Variants in ADAMTS17 observed in about 807,000 individuals in gnomAD.
The protein encoded by ADAMTS17 is A disintegrin and metalloproteinase with thrombospondin motifs 17.
ADAMTS17 carries 113 observed loss-of-function variants against 141.5 expected under a neutral mutation model. That is an observed-to-expected ratio of 0.80 (90% CI 0.69 to 0.93). The LOEUF is 0.93. Among genes scored for constraint, ADAMTS17 ranks in the 40% least tolerant of loss-of-function variants. The pLI, the probability that ADAMTS17 is intolerant of heterozygous loss-of-function variation, is 0.00. For missense variants in ADAMTS17, 1,659 were observed against 1,517.9 expected, an observed-to-expected ratio of 1.09 and a Z score of -1.54; for synonymous variants, 768 against 630.6, an observed-to-expected ratio of 1.22 and a Z score of -3.27.
At chr15:100,073,141 A>G (rs1190496079) in intron 15 of ADAMTS17, among the ~76,000 whole-genome samples, 3 of 152,260 alleles carry the variant, frequency 2.0e-5, no homozygotes, top group Non-Finnish European at 4.4e-5. Flanking sequence ...ACATTTATGC[A>G]GCCAACAGAC....
chr15:100,285,366 A>G (rs1476080548), intron 3 of ADAMTS17, among the ~76,000 whole-genome samples: 2 of 152,200 alleles, frequency 1.3e-5, no homozygotes, highest in African/African-American at 4.8e-5. Flanking sequence ...CACTTTGAAA[A>G]CTGAAAAAAT....
In ADAMTS17 at chr15:100,031,037, A is replaced by C. The variant is rs573078345; in HGVS notation, c.2591+17820T>G. On this transcript the variant is annotated intron_variant, in intron 18 of 21. Transcript: ENST00000268070. ...GTGCTGACTCGGGGTGAAGGAATTT[A>C]TAGGCATTACTTCACTTCATCTCCT... Among the ~76,000 whole-genome samples the C allele has an allele frequency of 8.5e-5, 13 of 152,276 alleles. No homozygotes were observed. In the South Asian group the frequency reaches 2.7e-3, roughly 32 times the overall value.
chr15:100,254,008 T>C, intron 7 of ADAMTS17, 128 bp downstream of exon 7: 1 of 895,630 alleles, frequency 1.1e-6, no homozygotes, highest in Non-Finnish European at 1.8e-6. Flanking sequence ...AAGACCAACT[T>C]ACAGGAAGGA....
At chr15:99,981,644 C>T (rs1450298604) in intron 20 of ADAMTS17, among the ~76,000 whole-genome samples, 4 of 152,150 alleles carry the variant, frequency 2.6e-5, no homozygotes, top group African/African-American at 9.7e-5. Flanking sequence ...CAGAAACCAC[C>T]CCGTTTTTGT....
At chr15:100,188,538 C>A (rs75655584) in intron 8 of ADAMTS17, among the ~76,000 whole-genome samples, 1 of 152,202 alleles carries the variant, frequency 6.6e-6, no homozygotes, top group Non-Finnish European at 1.5e-5. Context: ...CACGGGAAAC[C>A]CCAATTCAAG....
At chr15:100,066,071 C>T (rs1051293009) in intron 15 of ADAMTS17, among the ~76,000 whole-genome samples, 1 of 152,304 alleles carries the variant, frequency 6.6e-6, no homozygotes, top group Non-Finnish European at 1.5e-5. Context: ...TTTTTTATGG[C>T]TGCATAGTAT....
chr15:100,094,018 G>C (rs557800929), intron 15 of ADAMTS17, among the ~76,000 whole-genome samples: 2 of 151,786 alleles, frequency 1.3e-5, no homozygotes, highest in South Asian at 4.2e-4. Context: ...AGTACTGCAG[G>C]CAGATTTTCA....
intron 15 of ADAMTS17, among the ~76,000 whole-genome samples, chr15:100,079,092 A>C (rs1271069054): frequency 6.6e-6 from 1 of 152,234 alleles, no homozygotes; most frequent in Non-Finnish European, 1.5e-5. Flanking sequence ...AGTAGCCTTC[A>C]TTCACTGCTA....
rs1208845636 is a variant in ADAMTS17, at chr15:100,109,232, T to G, written c.1889-116A>C. The G allele has an allele frequency of 7.5e-6, 8 of 1,062,546 alleles. No homozygotes were observed. The East Asian group carries it at 2.0e-4, about 27-fold the overall frequency. The allele number at this position is 1,062,546 out of a possible 1,614,324, so 65.8% of individuals were successfully genotyped here. On this transcript the variant is annotated intron_variant, in intron 13 of 21. Coordinates refer to ENST00000268070, the MANE Select transcript of ADAMTS17 (RefSeq NM_139057.4). ...AGGAAGAGAGGTCCGCACAGGTCAG[T>G]AAAGGTGCATGAGCTCAGGTACGCG...
Position 99,997,401 on chromosome 15 carries a change from G to C in ADAMTS17, c.2780C>G (p.Ala927Gly), listed in dbSNP as rs756721876. The C allele has an allele frequency of 3.1e-6, 5 of 1,613,722 alleles. No homozygotes were observed. The South Asian group carries it at 3.3e-5, about 11-fold the overall frequency. The change falls in exon 19 of 22, where the codon GCG becomes GGG. Residue 927 changes from alanine to glycine, a missense_variant. Transcript: ENST00000268070. This position sits in a 1 kb window ranked among gnomAD's most constrained non-coding sequence, Gnocchi z 4.7. ...GGCACCCACCTGTGACCACTCAGAC[G>C]CCTCCCAGATGGACAGGCAGTCCTG... ...EGQDCLSIWEASEWSQCSASC... is the reference protein window; with the variant it reads ...EGQDCLSIWEGSEWSQCSASC...
At chr15:100,276,335 T>A (rs1414104512) in intron 4 of ADAMTS17, among the ~76,000 whole-genome samples, 7 of 13,738 alleles carry the variant, frequency 5.1e-4, no homozygotes, top group Non-Finnish European at 7.5e-4. Flanking sequence ...GGTGGGAGGG[T>A]GGGAGGGTGT....
At chr15:100,078,786 T>C (rs1364526162) in intron 15 of ADAMTS17, among the ~76,000 whole-genome samples, 6 of 152,166 alleles carry the variant, frequency 3.9e-5, no homozygotes, top group Admixed American at 1.3e-4. Flanking sequence ...AGCCAACTCA[T>C]ACACTGGGAG....
At chr15:100,181,610 C>T (rs2040526769) in intron 8 of ADAMTS17, among the ~76,000 whole-genome samples, 2 of 152,226 alleles carry the variant, frequency 1.3e-5, no homozygotes. Context: ...GAATTGTCAT[C>T]TGGGAGATAT....
intron 13 of ADAMTS17, among the ~76,000 whole-genome samples, chr15:100,109,669 T>C (rs923702860): frequency 5.9e-5 from 9 of 152,062 alleles, no homozygotes; most frequent in African/African-American, 2.2e-4. Flanking sequence ...AAAGGGGACA[T>C]GTGCGCCGCT....
chr15:100,004,368 C>T (rs1028986717), intron 18 of ADAMTS17, among the ~76,000 whole-genome samples: 6 of 152,212 alleles, frequency 3.9e-5, no homozygotes, highest in African/African-American at 1.2e-4. Flanking sequence ...TTCACCCAAC[C>T]CCCCCTGGCT....
chr15:100,110,027 AAG>A (rs1423148081), intron 13 of ADAMTS17, among the ~76,000 whole-genome samples: 2 of 151,914 alleles, frequency 1.3e-5, no homozygotes, highest in Non-Finnish European at 2.9e-5. Context: ...CCATCGCTAA[AAG>A]AGTGTGAAAG....
chr15:100,100,768 G>A (rs1199891938), intron 14 of ADAMTS17, among the ~76,000 whole-genome samples: 1 of 152,108 alleles, frequency 6.6e-6, no homozygotes, highest in East Asian at 1.9e-4. Context: ...CAAAAAGAGA[G>A]ATAAGATCTG....
At chr15:100,127,579 T>C (rs892154074) in intron 12 of ADAMTS17, among the ~76,000 whole-genome samples, 1 of 151,842 alleles carries the variant, frequency 6.6e-6, no homozygotes, top group Non-Finnish European at 1.5e-5. Context: ...CTATTTTTTG[T>C]TTGTTTGTTT....
intron 12 of ADAMTS17, among the ~76,000 whole-genome samples, chr15:100,120,900 T>A (rs1030816995): frequency 6.6e-6 from 1 of 152,238 alleles, no homozygotes; most frequent in Non-Finnish European, 1.5e-5. Flanking sequence ...AACCCAGATG[T>A]TGGCCTTGCT....
Sources: gnomAD v4.1 joint callset for allele counts (sites outside exome capture counted in the v4.1 genomes callset) on GRCh38, gnomAD v4.1.1 for gene constraint, Gnocchi (gnomAD v3.1) non-coding constraint, MANE v1.5 for transcripts, NCBI Gene and HGNC (gene_info 2026-07-23, HGNC 2026-07-21) for gene names.